The following MORN3 variants were observed in gnomAD, a reference collection of about 807,000 sequenced individuals.
The protein encoded by MORN3 is MORN repeat containing 3, also known as MORN repeat-containing protein 3.
In MORN3, 38 loss-of-function variants were observed where a neutral mutation model predicts 34.7. That is an observed-to-expected ratio of 1.10 (90% confidence interval 0.85 to 1.44). The LOEUF (loss-of-function observed/expected upper bound fraction) is 1.44, where lower values mean the gene tolerates loss of function less well. MORN3 is among the 40% of genes most tolerant of loss of function. The pLI is 0.00. For synonymous variants in MORN3, 109 were observed against 115.3 expected (o/e 0.95, Z 0.35); for missense variants, 311 against 321.7 (o/e 0.97, Z 0.25).
At chr12:121,652,662 G>A in intron 5 of MORN3, 66 bp downstream of exon 5, 1 of 1,463,378 alleles carries the variant, frequency 6.8e-7, no homozygotes, top group Middle Eastern at 1.7e-4. Context: ...GGAGATCTGT[G>A]CATTGTTCTG....
intron 3 of MORN3, 40 bp downstream of exon 3, chr12:121,654,234 G>A (rs782452758): frequency 1.2e-4 from 185 of 1,494,126 alleles, no homozygotes; most frequent in Non-Finnish European, 1.6e-4. Flanking sequence ...TGCCGGGGGC[G>A]TGGTCGGGTG....
At chr12:121,653,002 TG>T in intron 4 of MORN3, 72 bp downstream of exon 4, 1 of 1,507,130 alleles carries the variant, frequency 6.6e-7, no homozygotes, top group Non-Finnish European at 9.0e-7. Context: ...AGATCTGGCC[TG>T]GGCATGGCTG....
In MORN3 at chr12:121,659,301, C is replaced by A. The variant is rs771826875; in HGVS notation, c.193G>T (p.Asp65Tyr). 6.2e-7 allele frequency: 1 copy of A among 1,614,050 alleles called. No homozygotes were observed. Residue 65 changes from aspartate to tyrosine, a missense_variant, in exon 2 of 6, where the codon GAC (aspartate) becomes TAC (tyrosine). Coordinates refer to ENST00000355329, the MANE Select transcript of MORN3 (RefSeq NM_173855.5). ...CCGTCTCGCTTCCCAAACTTCCAGT[C>A]CCCCTCATAGATGGCTCCTTTCTTC... ...WKKKGAIYEG[D>Y]WKFGKRDGYG...
rs1004646666 is a variant in MORN3, at chr12:121,669,505, G to A, written c.-22C>T. Reference sequence around the variant, plus strand: ...GCATGGTGGCTGCTTCTGCAAGGCTGGAGGGTGCTGGAAAGGGGTTAGGGA... The same window carrying A: ...GCATGGTGGCTGCTTCTGCAAGGCTAGAGGGTGCTGGAAAGGGGTTAGGGA... On this transcript the variant is annotated 5_prime_UTR_variant, in exon 1 of 6. Coordinates refer to ENST00000355329, the MANE Select transcript of MORN3 (RefSeq NM_173855.5). The A allele has an allele frequency of 2.5e-6, 4 of 1,611,990 alleles. No homozygotes were observed. In the African/African-American group the frequency reaches 5.3e-5, roughly 22 times the overall value.
In MORN3 at chr12:121,659,311, G is replaced by A. The variant is rs1274611293; in HGVS notation, c.183C>T (p.Ile61=). The A allele has an allele frequency of 1.9e-6, 3 of 1,614,010 alleles. No individual in the cohort carries two copies. In the South Asian group the frequency reaches 3.3e-5, roughly 18 times the overall value. ...GTQVWKKKGA[I]YEGDWKFGKR... ...TCCCAAACTTCCAGTCCCCCTCATA[G>A]ATGGCTCCTTTCTTCTTCCAGACCT... Residue 61 remains isoleucine, a synonymous_variant, in exon 2 of 6, where the codon ATC becomes ATT. Transcript: ENST00000355329.
At chr12:121,672,416 G>C (rs1893994532), upstream of MORN3, among the ~76,000 whole-genome samples, 1 of 152,026 alleles carries the variant, frequency 6.6e-6, no homozygotes, top group African/African-American at 2.4e-5. Context: ...GCTATCATCC[G>C]GCGCCACTGC....
At chr12:121,655,976 G>A (rs1434990252) in intron 2 of MORN3, among the ~76,000 whole-genome samples, 3 of 152,194 alleles carry the variant, frequency 2.0e-5, no homozygotes, top group Admixed American at 6.5e-5. Context: ...CTTGCAGTGA[G>A]CCAAGATCGC....
chr12:121,659,082 C>A, intron 2 of MORN3, 109 bp downstream of exon 2: 5 of 973,612 alleles, frequency 5.1e-6, no homozygotes, highest in Admixed American at 2.3e-5. Flanking sequence ...TCCCTGTAGA[C>A]CTCCCCTCTC....
At chr12:121,665,509 T>G (rs1229707373) in intron 1 of MORN3, among the ~76,000 whole-genome samples, 1 of 151,426 alleles carries the variant, frequency 6.6e-6, no homozygotes, top group Non-Finnish European at 1.5e-5. Context: ...GGCTCACGCC[T>G]GTAATCCCGG....
At chr12:121,659,131 A>ACGCG (rs909737507) in intron 2 of MORN3, 60 bp downstream of exon 2, 5 of 1,406,458 alleles carry the variant, frequency 3.6e-6, no homozygotes, top group East Asian at 2.5e-5. Context: ...CTAAACACAC[A>ACGCG]CGCGCGCACA....
chr12:121,669,205 G>T, intron 1 of MORN3, 134 bp downstream of exon 1: 2 of 1,198,604 alleles, frequency 1.7e-6, no homozygotes, highest in Non-Finnish European at 2.3e-6. Context: ...GCTGGCCTGG[G>T]CCAGCGCTCA....
At position 121,653,124 on chromosome 12, in the gene MORN3, T is replaced by G; in HGVS notation, c.599A>C (p.Asp200Ala). 1 of 1,614,022 alleles carries G rather than the reference T, an allele frequency of 6.2e-7. No individual in the cohort carries two copies. The highest frequency in any genetic ancestry group is 8.5e-7 in the Non-Finnish European group (1 of 1,179,998). Residue 200 changes from aspartate (D) to alanine (A), a missense_variant, in exon 4 of 6, where the codon GAC becomes GCC. Asp to Ala is a moderately radical substitution (Grantham distance 126). Coordinates refer to ENST00000355329, the MANE Select transcript of MORN3 (RefSeq NM_173855.5). ...DNMAKCGTMI[D>A]FGRDEAPEPT... ...CTCAGGGGCCTCGTCACGGCCAAAG[T>G]CGATCATCGTCCCGCATTTGGCCAT...
intron 1 of MORN3, among the ~76,000 whole-genome samples, 160 bp downstream of exon 1, chr12:121,669,179 C>A (rs1383762490): frequency 6.6e-6 from 1 of 152,200 alleles, no homozygotes; most frequent in Non-Finnish European, 1.5e-5. Flanking sequence ...GAAGCCCCAG[C>A]ATGTGAAGGC....
chr12:121,658,365 G>A (rs2136872443), intron 2 of MORN3, among the ~76,000 whole-genome samples: 1 of 152,054 alleles, frequency 6.6e-6, no homozygotes, highest in Non-Finnish European at 1.5e-5. Context: ...AGGGGATGGA[G>A]ACCATCCTGG....
chr12:121,662,461 C>T (rs1594230506), intron 1 of MORN3, among the ~76,000 whole-genome samples: 1 of 151,694 alleles, frequency 6.6e-6, no homozygotes, highest in South Asian at 2.1e-4. Flanking sequence ...GCGAGACTGT[C>T]TCAAAACAAA....
At chr12:121,668,451 G>A (rs1893841759) in intron 1 of MORN3, among the ~76,000 whole-genome samples, 1 of 152,208 alleles carries the variant, frequency 6.6e-6, no homozygotes, top group African/African-American at 2.4e-5. Flanking sequence ...TGAGGCAGGA[G>A]AATCGCCTGA....
intron 5 of MORN3, among the ~76,000 whole-genome samples, chr12:121,651,923 G>GGTTT (rs199928766): frequency 0.027 from 4,057 of 151,976 alleles, 140 homozygotes; most frequent in East Asian, 0.11. Context: ...TCAGTGAAAT[G>GGTTT]GTTTGTTTGT....
intron 2 of MORN3, among the ~76,000 whole-genome samples, chr12:121,655,858 G>A (rs560471377): frequency 3.3e-5 from 5 of 151,460 alleles, no homozygotes; most frequent in African/African-American, 1.2e-4. Flanking sequence ...GTGAAAACCC[G>A]TCTCTACTAA....
In MORN3 at chr12:121,654,313, C is replaced by CCCA; in HGVS notation, c.421_423dup (p.Trp141dup). ...CCCTCCCCGTTGGGCTTGTCGTTCTCCCACTGTCCCTCGTAGATGTCGCCG... is the reference window on the plus strand; with the variant it reads ...CCCTCCCCGTTGGGCTTGTCGTTCTCCCACCACTGTCCCTCGTAGATGTCGCCG... On this transcript the variant is annotated inframe_insertion, in exon 3 of 6. Transcript: ENST00000355329. 6.2e-7 allele frequency: 1 copy of CCCA among 1,601,286 alleles called. No homozygotes were observed.
Sources: gnomAD v4.1 joint callset for allele counts (sites outside exome capture counted in the v4.1 genomes callset) on GRCh38, gnomAD v4.1.1 for gene constraint, MANE v1.5 for transcripts, NCBI Gene and HGNC (gene_info 2026-07-23, HGNC 2026-07-21) for gene names.